PCDHGA3: variants seen among roughly 807,000 people sequenced by gnomAD.
PCDHGA3 encodes the protein protocadherin gamma subfamily A, 3, also known as protocadherin gamma-A3.
A neutral mutation model predicts 58.5 loss-of-function variants in PCDHGA3; 40 were observed. The observed-to-expected ratio is 0.68, with a 90% CI of 0.53 to 0.89. The LOEUF (loss-of-function observed/expected upper bound fraction) is 0.89, where lower values mean the gene tolerates loss of function less well. PCDHGA3 is among the 40% of genes least tolerant of loss of function. The pLI, the probability that PCDHGA3 is intolerant of heterozygous loss-of-function variation, is 0.00. For synonymous variants in PCDHGA3, 530 were observed against 525.7 expected, an observed-to-expected ratio of 1.01 and a Z score of -0.11; for missense variants, 1,223 against 1,195.9, an observed-to-expected ratio of 1.02 and a Z score of -0.33.
intron 1 of PCDHGA3, among the ~76,000 whole-genome samples, chr5:141,402,781 T>G (rs1456317365): frequency 1.3e-5 from 2 of 152,200 alleles, no homozygotes; most frequent in Non-Finnish European, 2.9e-5. Context: ...GATTTCCAGT[T>G]CTGCGGCTAC....
At chr5:141,369,393 A>G (rs113516317) in intron 1 of PCDHGA3, among the ~76,000 whole-genome samples, 5 of 152,198 alleles carry the variant, frequency 3.3e-5, no homozygotes, top group Non-Finnish European at 7.4e-5. Context: ...CATTTGGGCC[A>G]GGGTGGTTCA....
intron 1 of PCDHGA3, chr5:141,375,475 C>G (rs774489564): frequency 1.9e-6 from 3 of 1,613,884 alleles, no homozygotes; most frequent in Non-Finnish European, 2.5e-6. Context: ...TCCTTGAAAA[C>G]AACCCCAGGG....
intron 1 of PCDHGA3, chr5:141,394,938 G>A: frequency 6.2e-7 from 1 of 1,613,780 alleles, no homozygotes; most frequent in Non-Finnish European, 8.5e-7. Context: ...CGCCTTTGTC[G>A]CTGTGCTTCT....
chr5:141,398,083 C>G, intron 1 of PCDHGA3: 1 of 1,599,552 alleles, frequency 6.3e-7, no homozygotes, highest in Non-Finnish European at 8.5e-7. Context: ...TTATTTGTAA[C>G]CTGGCGTCTC....
intron 1 of PCDHGA3, chr5:141,426,876 C>G (rs796453479): frequency 2.2e-6 from 1 of 456,726 alleles, no homozygotes; most frequent in Admixed American, 2.3e-5. Flanking sequence ...GGAGAAGCCC[C>G]TGGGCCAGGA....
At chr5:141,376,649 A>T in intron 1 of PCDHGA3, 1 of 978,990 alleles carries the variant, frequency 1.0e-6, no homozygotes, top group Non-Finnish European at 1.5e-6. Flanking sequence ...GTAAAGTGGA[A>T]GACTCCCTTG....
chr5:141,457,159 T>C (rs908257499), intron 1 of PCDHGA3, among the ~76,000 whole-genome samples: 5 of 152,212 alleles, frequency 3.3e-5, no homozygotes, highest in Non-Finnish European at 7.3e-5. Flanking sequence ...GGTGCTACCA[T>C]GGATAACCCT....
At chr5:141,414,748 G>T (rs765780935) in intron 1 of PCDHGA3, 1 of 1,614,182 alleles carries the variant, frequency 6.2e-7, no homozygotes, top group South Asian at 1.1e-5. Context: ...CAGATCCTTC[G>T]ACTATGAGCA....
At position 141,372,595 on chromosome 5, in the gene PCDHGA3, A is replaced by G; in HGVS notation, c.2424+26138A>G. The G allele has an allele frequency of 6.2e-7, 1 of 1,614,012 alleles. No individual in the cohort carries two copies. Among genetic ancestry groups the G allele is most frequent in the Non-Finnish European group, 8.5e-7 (1 of 1,179,882 alleles). On this transcript the variant is annotated intron_variant, in intron 1 of 3. Coordinates refer to ENST00000253812, the MANE Select transcript of PCDHGA3 (RefSeq NM_018916.4). ...TACTTTCAGCCTGGTGTCTGCTTCA[A>G]GACTGTACCTGGAGTTCTCCCCACC... is the stretch of plus-strand genomic sequence containing the variant.
rs1758946839 is a variant in PCDHGA3 at position 141,352,203 on chromosome 5, C to T, written c.2424+5746C>T. On this transcript the variant is annotated intron_variant, in intron 1 of 3. Transcript: ENST00000253812. ...GTCGCTGTGCGTGATGGAGGACAGC[C>T]GCCACTCTCCGCCACCGCCACGCTG... The T allele has an allele frequency of 6.2e-7, 1 of 1,614,014 alleles. No homozygotes were observed. The highest frequency in any genetic ancestry group is 8.5e-7 in the Non-Finnish European group (1 of 1,179,902).
intron 1 of PCDHGA3, among the ~76,000 whole-genome samples, chr5:141,480,916 A>C (rs991166066): frequency 6.6e-6 from 1 of 152,106 alleles, no homozygotes; most frequent in East Asian, 1.9e-4. Flanking sequence ...ATGGTGGCGC[A>C]TACCTGTAGT....
chr5:141,483,213 C>T (rs1343903817), intron 1 of PCDHGA3, among the ~76,000 whole-genome samples: 1 of 152,142 alleles, frequency 6.6e-6, no homozygotes, highest in Non-Finnish European at 1.5e-5. Flanking sequence ...ATATAGATGA[C>T]AGTCACTGCA....
chr5:141,413,815 C>T (rs1357769705), intron 1 of PCDHGA3: 11 of 1,613,224 alleles, frequency 6.8e-6, no homozygotes, highest in Non-Finnish European at 8.5e-6. Flanking sequence ...CATTCACCAC[C>T]TGGTCCTCAC....
intron 1 of PCDHGA3, chr5:141,352,271 C>T (rs1180338147): frequency 6.2e-7 from 1 of 1,613,978 alleles, no homozygotes; most frequent in Non-Finnish European, 8.5e-7. Flanking sequence ...ATTGCCAGAC[C>T]TCAGCGACCG....
At chr5:141,419,265 C>T in intron 1 of PCDHGA3, 1 of 1,614,040 alleles carries the variant, frequency 6.2e-7, no homozygotes, top group Non-Finnish European at 8.5e-7. Flanking sequence ...CAGCCGGGTG[C>T]CTCCATAGCG....
intron 1 of PCDHGA3, chr5:141,400,274 G>C: frequency 6.2e-7 from 1 of 1,614,032 alleles, no homozygotes; most frequent in Non-Finnish European, 8.5e-7. Flanking sequence ...CGCTCCTCCA[G>C]CCCTGCCGCC....
chr5:141,490,908 C>T lies in PCDHGA3; in HGVS notation c.2425-3899C>T, dbSNP rs201078924. On this transcript the variant is annotated intron_variant, in intron 1 of 3. Coordinates refer to ENST00000253812, the MANE Select transcript of PCDHGA3 (RefSeq NM_018916.4). This position sits in a 1 kb window ranked among gnomAD's most constrained non-coding sequence, Gnocchi z 5.4. The stretch of plus-strand genomic sequence containing the variant: ...CATCTCTGCATGTGTTTGTCCTAGA[C>T]GAGAATGATAATGCCCCAGCTGTGC... 42 of 1,613,710 alleles carry T rather than the reference C, an allele frequency of 2.6e-5. No homozygotes were observed. The highest frequency in any genetic ancestry group is 8.3e-5 in the Admixed American group (5 of 60,018).
At chr5:141,429,091 T>A (rs985605582) in intron 1 of PCDHGA3, 2 of 152,160 alleles carry the variant, frequency 1.3e-5, no homozygotes, top group African/African-American at 4.8e-5. Flanking sequence ...CCTGACCTCG[T>A]GATCTGCCCG....
intron 1 of PCDHGA3, chr5:141,375,805 C>G (rs748127561): frequency 6.2e-7 from 1 of 1,614,214 alleles, no homozygotes; most frequent in Admixed American, 1.7e-5. Flanking sequence ...GTTCCACTGG[C>G]GTGGAGCTGG....
Sources: allele counts gnomAD v4.1 joint callset (sites outside exome capture counted in the v4.1 genomes callset), GRCh38; gene constraint gnomAD v4.1.1; non-coding constraint Gnocchi (gnomAD v3.1); transcripts MANE v1.5; gene names NCBI Gene and HGNC (gene_info 2026-07-23, HGNC 2026-07-21).